The following PHACTR3 variants were observed in gnomAD, a reference collection of about 807,000 sequenced individuals.
PHACTR3 encodes the protein phosphatase and actin regulator 3, also known as protein phosphatase 1, regulatory subunit 123.
In PHACTR3, 16 loss-of-function variants were observed where a neutral mutation model predicts 66.8. That is an observed-to-expected ratio of 0.24 (90% CI 0.16 to 0.36). The LOEUF (loss-of-function observed/expected upper bound fraction) is 0.36. Ranked by LOEUF, PHACTR3 falls within the 10% of genes least tolerant of loss-of-function variation. The pLI is 1.00. For missense variants in PHACTR3, 647 were observed against 719.9 expected (o/e 0.90, Z 1.16); for synonymous variants, 323 against 292.1 (o/e 1.11, Z -1.08).
At position 59,669,883 on chromosome 20, in the gene PHACTR3, C is replaced by T. The variant is rs373636457; in HGVS notation, c.118+64751C>T. On this transcript the variant is annotated intron_variant, in intron 1 of 12. Transcript: ENST00000371015. ...GTTTCCCCATTCATCAATTGAGGGA[C>T]GTTTGTGTTGTTTCTATTAATTGTT... 3.9e-4 allele frequency among the ~76,000 whole-genome samples: 59 copies of T among 152,302 alleles called. No individual in the cohort carries two copies. In the Middle Eastern group the frequency reaches 0.01, roughly 26 times the overall value.
At chr20:59,795,409 T>A (rs6123939) in intron 7 of PHACTR3, among the ~76,000 whole-genome samples, 1 of 184 alleles carries the variant, frequency 5.4e-3, no homozygotes, top group African/African-American at 0.1. Context: ...CCTAATATAT[T>A]ATCTAGGAGA....
At chr20:59,764,646 G>T (rs17732418) in intron 4 of PHACTR3, among the ~76,000 whole-genome samples, 3,393 of 152,290 alleles carry the variant, frequency 0.022, 57 homozygotes, top group Non-Finnish European at 0.035. Flanking sequence ...GGGTGAGCCA[G>T]TTCCGTGACA....
At chr20:59,740,173 G>T (rs2039100181) in intron 1 of PHACTR3, among the ~76,000 whole-genome samples, 1 of 152,098 alleles carries the variant, frequency 6.6e-6, no homozygotes, top group Non-Finnish European at 1.5e-5. Flanking sequence ...AAAGTTACCT[G>T]CACTGGCATG....
At chr20:59,652,849 G>A (rs1360810800) in intron 1 of PHACTR3, among the ~76,000 whole-genome samples, 3 of 151,936 alleles carry the variant, frequency 2.0e-5, no homozygotes, top group East Asian at 1.9e-4. Context: ...AAAAAAAATC[G>A]GGATATTTTT....
In PHACTR3 at chr20:59,683,255, T is replaced by C. The variant is rs1156900253; in HGVS notation, c.119-59852T>C. ...AGGTTTCAGGGAGAGAGCAGTTCAA[T>C]TTTGGCTACAGTGAATTTGGAGCAT... On this transcript the variant is annotated intron_variant, in intron 1 of 12. Transcript: ENST00000371015. Among the ~76,000 whole-genome samples, 7 of 152,302 alleles carry C rather than the reference T, an allele frequency of 4.6e-5. No individual in the cohort carries two copies. The East Asian group carries it at 1.4e-3, about 29-fold the overall frequency.
At chr20:59,636,309 A>G (rs1263030074) in intron 1 of PHACTR3, among the ~76,000 whole-genome samples, 1 of 152,172 alleles carries the variant, frequency 6.6e-6, no homozygotes, top group Admixed American at 6.5e-5. Flanking sequence ...TAGCACTTTG[A>G]TTCAATGAGG....
chr20:59,661,170 G>A (rs1381235624), intron 1 of PHACTR3, among the ~76,000 whole-genome samples: 4 of 152,306 alleles, frequency 2.6e-5, no homozygotes, highest in East Asian at 1.9e-4. Context: ...GGGCACGCCC[G>A]GGTACCGTGA....
At chr20:59,600,584 A>T (rs2033448529), upstream of PHACTR3, among the ~76,000 whole-genome samples, 1 of 152,202 alleles carries the variant, frequency 6.6e-6, no homozygotes, top group Non-Finnish European at 1.5e-5. Context: ...GGGTTCTGCC[A>T]TCCCTGAGCC....
rs114104518 is a variant in PHACTR3 at position 59,839,508 on chromosome 20, C to G, written c.1385-861C>G. Among the ~76,000 whole-genome samples, 995 of 152,288 alleles carry G rather than the reference C, an allele frequency of 6.5e-3. 15 individuals are homozygous for G. The highest frequency in any genetic ancestry group is 0.023 in the African/African-American group (941 of 41,550). On this transcript the variant is annotated intron_variant, in intron 9 of 12. Coordinates refer to ENST00000371015, the MANE Select transcript of PHACTR3 (RefSeq NM_080672.5). ...CTAGGAGTGCTGATTGTTGAAATCT[C>G]TTTCCTAGGAATGGAGCTATGTTCA... is the stretch of plus-strand genomic sequence containing the variant.
intron 8 of PHACTR3, among the ~76,000 whole-genome samples, chr20:59,833,323 TG>T (rs2042440527): frequency 6.6e-6 from 1 of 152,220 alleles, no homozygotes; most frequent in Non-Finnish European, 1.5e-5. Context: ...CAGTTTTTGC[TG>T]GCTTGATGTC....
chr20:59,788,708 G>A (rs2146949190), intron 7 of PHACTR3, among the ~76,000 whole-genome samples: 1 of 152,276 alleles, frequency 6.6e-6, no homozygotes, highest in Non-Finnish European at 1.5e-5. Flanking sequence ...TGTCCCTGCA[G>A]AGGCCCTGAT....
intron 1 of PHACTR3, among the ~76,000 whole-genome samples, chr20:59,726,877 A>G (rs1015288890): frequency 3.3e-5 from 5 of 152,284 alleles, no homozygotes; most frequent in South Asian, 4.2e-4. Context: ...GACTATGTCC[A>G]GTTAAATATG....
At chr20:59,599,751 G>A (rs143773056), upstream of PHACTR3, among the ~76,000 whole-genome samples, 289 of 152,226 alleles carry the variant, frequency 1.9e-3, 1 homozygote, top group African/African-American at 6.6e-3. Context: ...CTAGTCCCCC[G>A]TAGCTCATCC....
intron 1 of PHACTR3, among the ~76,000 whole-genome samples, chr20:59,635,647 A>T (rs1568949638): frequency 6.6e-6 from 1 of 152,234 alleles, no homozygotes; most frequent in Non-Finnish European, 1.5e-5. Flanking sequence ...TGAAGAAGGA[A>T]GTTAAGATGT....
In PHACTR3 at chr20:59,847,213, C is replaced by T. The variant is rs1331249466; in HGVS notation, c.*83C>T. ...ATCAGGGAACTTTCCTGAAGTTCAG[C>T]TCAAGACTACCCTACCTGCTGTGTT... On this transcript the variant is annotated 3_prime_UTR_variant, in exon 13 of 13. Coordinates refer to ENST00000371015, the MANE Select transcript of PHACTR3 (RefSeq NM_080672.5). The T allele has an allele frequency of 4.0e-6, 4 of 1,001,124 alleles. No homozygotes were observed. The Admixed American group carries it at 7.3e-5, about 18-fold the overall frequency. The allele number at this position is 1,001,124 out of a possible 1,614,324, so 62.0% of individuals were successfully genotyped here. A position where few individuals can be genotyped will look rare whatever the true frequency, so the allele number is the denominator to read the frequency against.
intron 1 of PHACTR3, among the ~76,000 whole-genome samples, chr20:59,672,106 G>A (rs180864782): frequency 6.6e-6 from 1 of 152,342 alleles, no homozygotes; most frequent in East Asian, 1.9e-4. Flanking sequence ...CCGTCTGGAG[G>A]CATTTTCAGT....
intron 1 of PHACTR3, among the ~76,000 whole-genome samples, chr20:59,729,969 C>T (rs2146714429): frequency 6.6e-6 from 1 of 152,288 alleles, no homozygotes; most frequent in Non-Finnish European, 1.5e-5. Context: ...AGGATTTAAG[C>T]TTCAGATGGG....
At chr20:59,670,651 C>G (rs977366530) in intron 1 of PHACTR3, among the ~76,000 whole-genome samples, 1 of 150,000 alleles carries the variant, frequency 6.7e-6, no homozygotes, top group Non-Finnish European at 1.5e-5. Flanking sequence ...CTGCAAGGTC[C>G]GGGGAGACCC....
At chr20:59,659,077 A>T (rs1370336738) in intron 1 of PHACTR3, among the ~76,000 whole-genome samples, 1 of 151,244 alleles carries the variant, frequency 6.6e-6, no homozygotes, top group Non-Finnish European at 1.5e-5. Flanking sequence ...CATGTGGTTC[A>T]TTTTAAAAAT....
Sources: allele counts gnomAD v4.1 joint callset (sites outside exome capture counted in the v4.1 genomes callset), GRCh38; gene constraint gnomAD v4.1.1; transcripts MANE v1.5; gene names NCBI Gene and HGNC (gene_info 2026-07-23, HGNC 2026-07-21).